Variants in GPC3 observed in about 807,000 individuals in gnomAD.
GPC3 encodes glypican-3.
In GPC3, 3 loss-of-function variants were observed where a neutral mutation model predicts 34.4. The ratio of observed to expected loss-of-function variants is 0.09; its 90% CI spans 0.04 to 0.23. GPC3 has a LOEUF of 0.23. Ranked by LOEUF, GPC3 falls within the 10% of genes least tolerant of loss-of-function variation. GPC3 has a pLI of 1.00. For synonymous variants in GPC3, 177 were observed against 174.0 expected (o/e 1.02, Z -0.13); for missense variants, 351 against 445.6 (o/e 0.79, Z 1.91).
chrX:133,806,459 A>G (rs1258368922), intron 2 of GPC3, among the ~76,000 whole-genome samples: 1 of 111,541 alleles, frequency 9.0e-6, no homozygotes, highest in East Asian at 2.8e-4. Flanking sequence ...ATTAAGTTAG[A>G]AAGTTGTATG....
At chrX:133,648,459 T>C (rs1285735513) in intron 6 of GPC3, among the ~76,000 whole-genome samples, 2 of 111,551 alleles carry the variant, frequency 1.8e-5, no homozygotes. Flanking sequence ...CTTTCCTTCT[T>C]TGCCTTGTAA....
At chrX:133,782,535 C>T (rs2072058621) in intron 2 of GPC3, among the ~76,000 whole-genome samples, 1 of 111,788 alleles carries the variant, frequency 8.9e-6, no homozygotes, top group Non-Finnish European at 1.9e-5. Flanking sequence ...ATTTCCATCC[C>T]CTTTCTGTCC....
intron 2 of GPC3, among the ~76,000 whole-genome samples, chrX:133,837,894 A>G (rs535676487): frequency 1.8e-5 from 2 of 112,390 alleles, no homozygotes; most frequent in African/African-American, 6.5e-5. Flanking sequence ...TATAAACCAT[A>G]CAATATGCCA....
At chrX:133,920,241 T>C (rs2076242438) in intron 2 of GPC3, among the ~76,000 whole-genome samples, 1 of 110,758 alleles carries the variant, frequency 9.0e-6, no homozygotes, top group African/African-American at 3.3e-5. Flanking sequence ...AGCAGAAAGA[T>C]GCTTTTTCCT....
chrX:133,749,087 G>A (rs1042622153), intron 3 of GPC3, among the ~76,000 whole-genome samples: 7 of 110,872 alleles, frequency 6.3e-5, no homozygotes, highest in Admixed American at 3.8e-4. Context: ...GTGAAACCCC[G>A]TCTCTACAAA....
At chrX:133,783,213 G>A (rs992321243) in intron 2 of GPC3, among the ~76,000 whole-genome samples, 2 of 111,152 alleles carry the variant, frequency 1.8e-5, no homozygotes, top group African/African-American at 6.5e-5. Context: ...ATTTCTAGGA[G>A]TTATTTAACA....
intron 7 of GPC3, among the ~76,000 whole-genome samples, chrX:133,576,921 T>C (rs768762113): frequency 1.8e-5 from 2 of 110,286 alleles, no homozygotes; most frequent in Admixed American, 9.8e-5. Flanking sequence ...GGGAATGGCA[T>C]GTTCAGGCAA....
At chrX:133,789,790 C>T (rs2072141849) in intron 2 of GPC3, among the ~76,000 whole-genome samples, 1 of 112,557 alleles carries the variant, frequency 8.9e-6, no homozygotes, top group Non-Finnish European at 1.9e-5. Flanking sequence ...ACAAATGGAT[C>T]ATTTTGCTAT....
chrX:133,675,892 G>A (rs1470078562), intron 5 of GPC3, among the ~76,000 whole-genome samples: 1 of 112,637 alleles, frequency 8.9e-6, no homozygotes, highest in Non-Finnish European at 1.9e-5. Context: ...AACTTTAGTT[G>A]TTGGAGGTCC....
At chrX:133,670,607 A>G (rs965665692) in intron 5 of GPC3, among the ~76,000 whole-genome samples, 5 of 112,031 alleles carry the variant, frequency 4.5e-5, no homozygotes, top group Non-Finnish European at 9.4e-5. Flanking sequence ...TATGGACACG[A>G]TTCAGTATTG....
At chrX:133,897,056 A>G (rs765701731) in intron 2 of GPC3, among the ~76,000 whole-genome samples, 41 of 108,426 alleles carry the variant, frequency 3.8e-4, no homozygotes, top group South Asian at 1.2e-3. Flanking sequence ...ACAGGCGCCC[A>G]CAACCACGCC....
intron 2 of GPC3, among the ~76,000 whole-genome samples, chrX:133,861,661 T>G (rs1320981407): frequency 4.5e-5 from 5 of 110,828 alleles, no homozygotes; most frequent in African/African-American, 1.6e-4. Flanking sequence ...GGCGTTTGGG[T>G]TTTGAGGACA....
At chrX:133,915,692 C>A (rs2076221036) in intron 2 of GPC3, among the ~76,000 whole-genome samples, 1 of 112,185 alleles carries the variant, frequency 8.9e-6, no homozygotes. Flanking sequence ...CCTAGGAAAC[C>A]AGCATCTTGA....
rs866938488 is a variant in GPC3, at chrX:133,972,771, G to A, written c.175+12504C>T. 3.6e-4 allele frequency among the ~76,000 whole-genome samples: 40 copies of A among 112,008 alleles called. No homozygotes were observed. The Middle Eastern group carries it at 0.019, about 52-fold the overall frequency. Reference sequence around the variant, plus strand: ...AAATCAAAGACAATTTCAAGGTTTCGAGTTGGTGCCAGACAGAGATACCAT... The same window carrying A: ...AAATCAAAGACAATTTCAAGGTTTCAAGTTGGTGCCAGACAGAGATACCAT... On this transcript the variant is annotated intron_variant, in intron 1 of 7. Coordinates refer to ENST00000370818, the MANE Select transcript of GPC3 (RefSeq NM_004484.4).
chrX:133,585,144 C>T (rs1179019275), intron 7 of GPC3, among the ~76,000 whole-genome samples: 1 of 111,757 alleles, frequency 8.9e-6, no homozygotes, highest in Non-Finnish European at 1.9e-5. Context: ...GGGAAATGTC[C>T]TTGTACCCGA....
At chrX:133,655,482 ACACACACACACACACACACACACC>A (rs1439239222) in intron 6 of GPC3, among the ~76,000 whole-genome samples, 3 of 107,156 alleles carry the variant, frequency 2.8e-5, no homozygotes, top group Non-Finnish European at 5.8e-5. Flanking sequence ...ACACCCACAC[ACACACACACACACACACACACACC>A]CACACACACA....
chrX:133,574,245 A>G (rs1166095652), intron 7 of GPC3, among the ~76,000 whole-genome samples: 1 of 111,149 alleles, frequency 9.0e-6, no homozygotes, highest in Non-Finnish European at 1.9e-5. Flanking sequence ...TGATTGTGGT[A>G]ATCACTGCAC....
At chrX:133,688,936 A>G (rs1044559333) in intron 5 of GPC3, among the ~76,000 whole-genome samples, 1 of 111,607 alleles carries the variant, frequency 9.0e-6, no homozygotes, top group Non-Finnish European at 1.9e-5. Flanking sequence ...ATTCCTGAGT[A>G]ATTTTTAAAA....
chrX:133,652,815 G>A (rs771394892), intron 6 of GPC3, among the ~76,000 whole-genome samples: 2 of 112,318 alleles, frequency 1.8e-5, no homozygotes, highest in Non-Finnish European at 3.8e-5. Flanking sequence ...GCTAGTTCAA[G>A]ACAAAAGAGC....
Sources: allele counts gnomAD v4.1 joint callset (sites outside exome capture counted in the v4.1 genomes callset), GRCh38; gene constraint gnomAD v4.1.1; transcripts MANE v1.5; gene names NCBI Gene and HGNC (gene_info 2026-07-23, HGNC 2026-07-21).